DIAPH3: variants seen among roughly 807,000 people sequenced by gnomAD.
The protein encoded by DIAPH3 is diaphanous related formin 3.
Under a neutral mutation model 144.3 loss-of-function variants are expected in DIAPH3, and 117 were observed. That is an observed-to-expected ratio of 0.81 (90% CI 0.70 to 0.95). The LOEUF (loss-of-function observed/expected upper bound fraction) is 0.95. Among genes scored for constraint, DIAPH3 ranks in the 40% least tolerant of loss-of-function variants. DIAPH3 has a pLI of 0.00. For synonymous variants in DIAPH3, 519 were observed against 488.9 expected (o/e 1.06, Z -0.81); for missense variants, 1,421 against 1,412.7 (o/e 1.01, Z -0.09).
intron 25 of DIAPH3, among the ~76,000 whole-genome samples, chr13:59,775,383 C>T (rs2038354713): frequency 6.6e-6 from 1 of 152,100 alleles, no homozygotes; most frequent in African/African-American, 2.4e-5. Context: ...GCTGGGACTA[C>T]AGGCGCCTGC....
intron 27 of DIAPH3, among the ~76,000 whole-genome samples, chr13:59,706,249 G>T (rs1050350333): frequency 4.6e-5 from 7 of 152,110 alleles, no homozygotes; most frequent in Non-Finnish European, 8.8e-5. Flanking sequence ...GGCAATTTTT[G>T]AGTATTTCTT....
intron 22 of DIAPH3, among the ~76,000 whole-genome samples, chr13:59,841,309 A>G (rs2042327522): frequency 6.6e-6 from 1 of 152,138 alleles, no homozygotes; most frequent in Non-Finnish European, 1.5e-5. Context: ...TTCAAAAGCA[A>G]GCTGGGCATG....
At chr13:59,734,213 A>T (rs73544395) in intron 27 of DIAPH3, among the ~76,000 whole-genome samples, 250 of 152,248 alleles carry the variant, frequency 1.6e-3, no homozygotes, top group African/African-American at 5.8e-3. Context: ...TTTTAAACTC[A>T]TGTTCCCATC....
chr13:59,813,032 G>A (rs1394145876), intron 24 of DIAPH3, among the ~76,000 whole-genome samples: 2 of 151,868 alleles, frequency 1.3e-5, no homozygotes, highest in African/African-American at 4.8e-5. Context: ...TATTATAAAA[G>A]ACTGCATTCC....
chr13:59,929,549 TTGTTC>T (rs2047915026), intron 17 of DIAPH3, among the ~76,000 whole-genome samples: 3 of 148,812 alleles, frequency 2.0e-5, no homozygotes, highest in African/African-American at 7.4e-5. Flanking sequence ...TATCTAAATT[TTGTTC>T]TTTTTTTTTT....
At chr13:59,796,649 C>A (rs1259606627) in intron 25 of DIAPH3, among the ~76,000 whole-genome samples, 1 of 152,164 alleles carries the variant, frequency 6.6e-6, no homozygotes, top group East Asian at 1.9e-4. Flanking sequence ...ATATCAGTAA[C>A]TTTTTCTAAA....
At chr13:60,101,253 CT>C (rs1395765257) in intron 3 of DIAPH3, among the ~76,000 whole-genome samples, 1 of 152,124 alleles carries the variant, frequency 6.6e-6, no homozygotes, top group Non-Finnish European at 1.5e-5. Context: ...GATTTAAACT[CT>C]GTTCTATCTC....
chr13:59,927,089 TTA>T (rs1005073415), intron 17 of DIAPH3, among the ~76,000 whole-genome samples: 1 of 152,140 alleles, frequency 6.6e-6, no homozygotes, highest in African/African-American at 2.4e-5. Flanking sequence ...TTGTCTCTTT[TTA>T]TCTCTTTTTG....
intron 25 of DIAPH3, among the ~76,000 whole-genome samples, chr13:59,800,789 C>T (rs914825134): frequency 5.9e-5 from 9 of 152,178 alleles, no homozygotes; most frequent in African/African-American, 1.7e-4. Flanking sequence ...GTATTTCCAA[C>T]GATCATAAAC....
chr13:59,963,010 G>GT (rs1044687208), intron 17 of DIAPH3, among the ~76,000 whole-genome samples: 31 of 151,774 alleles, frequency 2.0e-4, no homozygotes, highest in Non-Finnish European at 3.2e-4. Flanking sequence ...AAGTATGTGG[G>GT]TTTTTTTTCC....
At chr13:59,941,358 A>G (rs952228847) in intron 17 of DIAPH3, among the ~76,000 whole-genome samples, 4 of 152,296 alleles carry the variant, frequency 2.6e-5, no homozygotes, top group Middle Eastern at 3.4e-3. Context: ...CAGAAGGACA[A>G]GATCAGAATT....
chr13:60,037,733 T>C (rs1408016949), intron 5 of DIAPH3, among the ~76,000 whole-genome samples: 1 of 151,906 alleles, frequency 6.6e-6, no homozygotes. Context: ...AAATTCAAAA[T>C]GAAACATCAG....
At chr13:59,699,432 G>C (rs1202058334) in intron 27 of DIAPH3, among the ~76,000 whole-genome samples, 1 of 152,174 alleles carries the variant, frequency 6.6e-6, no homozygotes, top group Non-Finnish European at 1.5e-5. Context: ...GAGATGATGG[G>C]GACAGATGGT....
At chr13:59,939,835 C>CGTGT (rs3220859) in intron 17 of DIAPH3, among the ~76,000 whole-genome samples, 5,163 of 146,738 alleles carry the variant, frequency 0.035, 115 homozygotes, top group African/African-American at 0.07. Flanking sequence ...GAGAATGAGG[C>CGTGT]GTGTGTGTGT....
intron 17 of DIAPH3, among the ~76,000 whole-genome samples, chr13:59,952,386 A>C (rs1019687327): frequency 6.6e-6 from 1 of 152,178 alleles, no homozygotes; most frequent in Non-Finnish European, 1.5e-5. Flanking sequence ...TTTTATCACA[A>C]TTTAACAAAA....
chr13:60,025,558 TGACATAACAAATCCAAAG>T lies in DIAPH3; in HGVS notation c.627-9431_627-9414del, dbSNP rs529000316. Among the ~76,000 whole-genome samples, 350 of 145,610 alleles carry T rather than the reference TGACATAACAAATCCAAAG, an allele frequency of 2.4e-3. 1 individual carries two copies. Among genetic ancestry groups the T allele is most frequent in the African/African-American group, 8.5e-3 (333 of 39,336 alleles). ...TGGTAAGAGGAGAACCAAGTAAACC[TGACATAACAAATCCAAAG>T]GAAAGAAGAAGTTTCAAAAAGAGAA... is the stretch of plus-strand genomic sequence containing the variant. On this transcript the variant is annotated intron_variant, in intron 5 of 27. Transcript: ENST00000400324.
At chr13:60,056,762 T>G (rs1170800583) in intron 4 of DIAPH3, among the ~76,000 whole-genome samples, 4 of 151,718 alleles carry the variant, frequency 2.6e-5, no homozygotes, top group Non-Finnish European at 4.4e-5. Flanking sequence ...TTGAAGAGAC[T>G]TCTATTGGCC....
At chr13:60,138,564 A>G (rs916562414) in intron 1 of DIAPH3, among the ~76,000 whole-genome samples, 5 of 152,260 alleles carry the variant, frequency 3.3e-5, no homozygotes, top group African/African-American at 9.6e-5. Context: ...AAGATAATTC[A>G]ACAATCTCTG....
At chr13:59,872,839 T>C in intron 21 of DIAPH3, among the ~76,000 whole-genome samples, 1 of 152,182 alleles carries the variant, frequency 6.6e-6, no homozygotes, top group East Asian at 1.9e-4. Flanking sequence ...AAGGGTAGTT[T>C]GATAGAGAAG....
Sources: gnomAD v4.1 joint callset for allele counts (sites outside exome capture counted in the v4.1 genomes callset) on GRCh38, gnomAD v4.1.1 for gene constraint, MANE v1.5 for transcripts, NCBI Gene and HGNC (gene_info 2026-07-23, HGNC 2026-07-21) for gene names.